CNTN3: variants seen among roughly 807,000 people sequenced by gnomAD.
The protein encoded by CNTN3 is contactin 3.
Under a neutral mutation model 119.1 loss-of-function variants are expected in CNTN3, and 60 were observed. The observed-to-expected ratio is 0.50, with a 90% confidence interval of 0.41 to 0.62. The LOEUF is 0.62. Ranked by LOEUF, CNTN3 falls within the 20% of genes least tolerant of loss-of-function variation. The pLI, the probability that CNTN3 is intolerant of heterozygous loss-of-function variation, is 0.00. For missense variants in CNTN3, 1,101 were observed against 1,242.4 expected (o/e 0.89, Z 1.71); for synonymous variants, 450 against 438.7 (o/e 1.03, Z -0.32).
At chr3:74,394,063 AAAG>A (rs1306547428) in intron 5 of CNTN3, among the ~76,000 whole-genome samples, 3 of 152,208 alleles carry the variant, frequency 2.0e-5, no homozygotes, top group Non-Finnish European at 2.9e-5. Context: ...GAAAAGCCAA[AAAG>A]AAGAAGAATA....
At chr3:74,356,055 C>A (rs1703927440) in intron 11 of CNTN3, among the ~76,000 whole-genome samples, 1 of 151,878 alleles carries the variant, frequency 6.6e-6, no homozygotes, top group Admixed American at 6.6e-5. Context: ...AGAAGGGGGG[C>A]CTTTGGGAAG....
At chr3:74,474,935 G>A (rs1207819112) in intron 4 of CNTN3, among the ~76,000 whole-genome samples, 4 of 151,962 alleles carry the variant, frequency 2.6e-5, no homozygotes, top group Admixed American at 2.0e-4. Flanking sequence ...CTCCCTCTTC[G>A]CCTTCTGCCA....
intron 12 of CNTN3, among the ~76,000 whole-genome samples, chr3:74,335,932 C>T (rs1430991907): frequency 6.6e-6 from 1 of 152,072 alleles, no homozygotes; most frequent in Non-Finnish European, 1.5e-5. Flanking sequence ...CACTATGCAC[C>T]TCTTTCTTGT....
In CNTN3 at chr3:74,488,240, G is replaced by A. The variant is rs188927301; in HGVS notation, c.183-1609C>T. ...CCATTCTCCTGCCTCAGCCTCCAGA[G>A]TAGCTGGGACTACAGGCGCCCGACA... is the stretch of plus-strand genomic sequence containing the variant. On this transcript the variant is annotated intron_variant, in intron 3 of 22. Transcript: ENST00000263665. Among the ~76,000 whole-genome samples the A allele has an allele frequency of 3.4e-4, 51 of 152,012 alleles. 1 individual carries two copies. In the East Asian group the frequency reaches 9.1e-3, roughly 27 times the overall value.
At chr3:74,420,140 AGAAT>A in intron 5 of CNTN3, among the ~76,000 whole-genome samples, 1 of 152,234 alleles carries the variant, frequency 6.6e-6, no homozygotes, top group East Asian at 1.9e-4. Context: ...AAAATGACAC[AGAAT>A]GATGGGGAGA....
rs537807202 is a variant in CNTN3, at chr3:74,303,749, G to A, written c.1669-942C>T. Among the ~76,000 whole-genome samples the A allele has an allele frequency of 5.3e-5, 8 of 152,202 alleles. No individual in the cohort carries two copies. The South Asian group carries it at 1.7e-3, about 32-fold the overall frequency. ...CAGCTGTCCTTAAAGACATTTGCTGGCATTCCCAAGAGCTAATTAACAGAG... is the reference window on the plus strand; with the variant it reads ...CAGCTGTCCTTAAAGACATTTGCTGACATTCCCAAGAGCTAATTAACAGAG... On this transcript the variant is annotated intron_variant, in intron 13 of 22. Transcript: ENST00000263665.
In CNTN3 at chr3:74,502,190, C is replaced by T. The variant is rs150468574; in HGVS notation, c.56-2405G>A. On this transcript the variant is annotated intron_variant, in intron 2 of 22. Transcript: ENST00000263665. ...CAGCTTGAAAGCAATAATGCATTAA[C>T]ATAATGGTATAAATTTGGAAATAAC... Among the ~76,000 whole-genome samples the T allele has an allele frequency of 4.7e-4, 71 of 151,966 alleles. 1 individual carries two copies. In the East Asian group the frequency reaches 0.01, roughly 22 times the overall value.
chr3:74,565,445 G>A (rs1360142692), intron 1 of CNTN3, among the ~76,000 whole-genome samples: 1 of 152,090 alleles, frequency 6.6e-6, no homozygotes, highest in Non-Finnish European at 1.5e-5. Context: ...ATCACACTGG[G>A]CCCAAATGGG....
chr3:74,422,632 A>C (rs1701634319), intron 5 of CNTN3, among the ~76,000 whole-genome samples: 1 of 152,200 alleles, frequency 6.6e-6, no homozygotes, highest in Admixed American at 6.5e-5. Context: ...CCGATCAATG[A>C]ATGTATCTAA....
At chr3:74,337,888 G>A (rs1703434500) in intron 11 of CNTN3, among the ~76,000 whole-genome samples, 1 of 152,010 alleles carries the variant, frequency 6.6e-6, no homozygotes, top group Non-Finnish European at 1.5e-5. Context: ...AGGATAGGGT[G>A]CATCAGAAAA....
intron 11 of CNTN3, among the ~76,000 whole-genome samples, chr3:74,350,140 G>C (rs186941176): frequency 6.6e-6 from 1 of 152,108 alleles, no homozygotes; most frequent in Non-Finnish European, 1.5e-5. Context: ...TAACATTTGG[G>C]TGGAATTTAC....
At chr3:74,530,480 G>A (rs1332626625) in intron 1 of CNTN3, among the ~76,000 whole-genome samples, 1 of 151,830 alleles carries the variant, frequency 6.6e-6, no homozygotes, top group African/African-American at 2.4e-5. Context: ...TGCACTTTAA[G>A]GTTACACATC....
intron 1 of CNTN3, among the ~76,000 whole-genome samples, chr3:74,587,301 A>G (rs1048507156): frequency 6.6e-6 from 1 of 152,100 alleles, no homozygotes; most frequent in African/African-American, 2.4e-5. Context: ...ATAGAACTAT[A>G]CACCACTTTG....
Position 74,364,126 on chromosome 3 carries a change from C to T in CNTN3, c.1213+341G>A, listed in dbSNP as rs114963039. The stretch of plus-strand genomic sequence containing the variant: ...CGATTGATTCAAATTTTGGTATTTG[C>T]TATTACGGACCAGCAACGGGGAACA... On this transcript the variant is annotated intron_variant, in intron 10 of 22. Coordinates refer to ENST00000263665, the MANE Select transcript of CNTN3 (RefSeq NM_020872.3). 6.3e-3 allele frequency among the ~76,000 whole-genome samples: 955 copies of T among 152,138 alleles called. 5 individuals are homozygous for T. The highest frequency in any genetic ancestry group is 0.022 in the African/African-American group (917 of 41,524).
chr3:74,519,533 C>T (rs1157392990), intron 2 of CNTN3, among the ~76,000 whole-genome samples: 2 of 151,676 alleles, frequency 1.3e-5, no homozygotes, highest in Admixed American at 1.3e-4. Flanking sequence ...CTGAGTATGT[C>T]TTTCTGTGAA....
At chr3:74,392,410 CT>C (rs1704935824) in intron 5 of CNTN3, among the ~76,000 whole-genome samples, 1 of 150,816 alleles carries the variant, frequency 6.6e-6, no homozygotes, top group African/African-American at 2.4e-5. Context: ...CACCCTGCTT[CT>C]TCTTTTTCTT....
chr3:74,534,669 C>T (rs559754324), intron 1 of CNTN3, among the ~76,000 whole-genome samples: 1 of 152,086 alleles, frequency 6.6e-6, no homozygotes, highest in Non-Finnish European at 1.5e-5. Flanking sequence ...GTGCAATGTA[C>T]TGTTAAGTAT....
intron 11 of CNTN3, among the ~76,000 whole-genome samples, chr3:74,344,502 T>C (rs935438006): frequency 2.8e-5 from 4 of 140,978 alleles, no homozygotes; most frequent in Non-Finnish European, 6.0e-5. Flanking sequence ...CTGGGCTCAC[T>C]GCAAGCTCCG....
chr3:74,406,608 C>T (rs1705329203), intron 5 of CNTN3, among the ~76,000 whole-genome samples: 1 of 151,386 alleles, frequency 6.6e-6, no homozygotes. Flanking sequence ...TTTTTAGATT[C>T]CTTAGTTTAA....
Sources: gnomAD v4.1 joint callset for allele counts (sites outside exome capture counted in the v4.1 genomes callset) on GRCh38, gnomAD v4.1.1 for gene constraint, MANE v1.5 for transcripts, NCBI Gene and HGNC (gene_info 2026-07-23, HGNC 2026-07-21) for gene names.